CHRM4: variants seen among roughly 807,000 people sequenced by gnomAD.
CHRM4 encodes the protein cholinergic receptor muscarinic 4.
CHRM4 carries 5 observed loss-of-function variants against 26.3 expected under a neutral mutation model. The observed-to-expected ratio is 0.19, with a 90% CI of 0.10 to 0.40. The LOEUF (loss-of-function observed/expected upper bound fraction) is 0.40. CHRM4 is among the 10% of genes least tolerant of loss of function. The pLI, the probability that CHRM4 is intolerant of heterozygous loss-of-function variation, is 1.00. For missense variants in CHRM4, 402 were observed against 664.5 expected, an observed-to-expected ratio of 0.60 and a Z score of 4.34; for synonymous variants, 290 against 285.3, an observed-to-expected ratio of 1.02 and a Z score of -0.16.
At chr11:46,388,609 A>G (rs1945364680) in intron 1 of CHRM4, among the ~76,000 whole-genome samples, 1 of 152,176 alleles carries the variant, frequency 6.6e-6, no homozygotes. Context: ...TGTCACCCCC[A>G]AGGTCACACA....
At chr11:46,389,432 C>A (rs1448302944) in intron 1 of CHRM4, among the ~76,000 whole-genome samples, 1 of 152,234 alleles carries the variant, frequency 6.6e-6, no homozygotes, top group East Asian at 1.9e-4. Context: ...GACTCCGCCC[C>A]GCCCCAGCTG....
intron 1 of CHRM4, among the ~76,000 whole-genome samples, chr11:46,388,100 C>A (rs957296248): frequency 6.6e-6 from 1 of 152,202 alleles, no homozygotes; most frequent in African/African-American, 2.4e-5. Context: ...AGTGCCAGGG[C>A]AGCCGCTCAG....
At chr11:46,389,860 T>C (rs1945375973) in intron 1 of CHRM4, among the ~76,000 whole-genome samples, 1 of 152,186 alleles carries the variant, frequency 6.6e-6, no homozygotes, top group Admixed American at 6.5e-5. Context: ...TGTGTGTGCC[T>C]ACGGGGGAGC....
chr11:46,389,790 G>A (rs929083251), intron 1 of CHRM4, among the ~76,000 whole-genome samples: 1 of 152,246 alleles, frequency 6.6e-6, no homozygotes, highest in South Asian at 2.1e-4. Context: ...GAGGGAGCCC[G>A]GATTCCACCC....
chr11:46,388,100 C>T (rs957296248), intron 1 of CHRM4, among the ~76,000 whole-genome samples: 2 of 152,202 alleles, frequency 1.3e-5, no homozygotes, highest in African/African-American at 2.4e-5. Flanking sequence ...AGTGCCAGGG[C>T]AGCCGCTCAG....
At position 46,391,050 on chromosome 11, in the gene CHRM4, C is replaced by T. The variant is rs1223837208; in HGVS notation, c.-30+481G>A. Among the ~76,000 whole-genome samples the T allele has an allele frequency of 2.1e-5, 3 of 142,552 alleles. No individual in the cohort carries two copies. The highest frequency in any genetic ancestry group is 3.1e-5 in the Non-Finnish European group (2 of 65,470). 93.5% of individuals were successfully genotyped at this position (142,552 alleles called of 152,430 possible). A position where few individuals can be genotyped will look rare whatever the true frequency, so the allele number is the denominator to read the frequency against. ...GAGGGGGCCTGGAGCTGGAGGACCC[C>T]GGCTTGGAGGCTGGGCAGCAAAGGG... On this transcript the variant is annotated intron_variant, in intron 1 of 1. Transcript: ENST00000682254. This position sits in a 1 kb window ranked among gnomAD's most constrained non-coding sequence, Gnocchi z 6.3.
chr11:46,386,696 T>C lies in CHRM4; in HGVS notation c.-29-110A>G. 1.8e-6 allele frequency: 2 copies of C among 1,088,024 alleles called. No homozygotes were observed. The highest frequency in any genetic ancestry group is 2.5e-5 in the East Asian group (1 of 39,524). 67.4% of individuals were successfully genotyped at this position (1,088,024 alleles called of 1,614,324 possible). ...AGGGACATTCTCTGGCAGAATGCCT[T>C]GAGAGAACTCTGTCCCGCCATCCCG... On this transcript the variant is annotated intron_variant, in intron 1 of 1. Coordinates refer to ENST00000682254, the MANE Select transcript of CHRM4 (RefSeq NM_000741.5). The surrounding 1 kb of genome is among the most constrained non-coding windows in gnomAD (Gnocchi z 5.8).
At chr11:46,390,844 G>T (rs866859733) in intron 1 of CHRM4, among the ~76,000 whole-genome samples, 1 of 152,236 alleles carries the variant, frequency 6.6e-6, no homozygotes, top group South Asian at 2.1e-4. Flanking sequence ...TGCTCCGCAC[G>T]CCCGTGGGGT....
chr11:46,389,167 C>T (rs1320133119), intron 1 of CHRM4, among the ~76,000 whole-genome samples: 1 of 152,218 alleles, frequency 6.6e-6, no homozygotes, highest in African/African-American at 2.4e-5. Context: ...CAGAGTTGAC[C>T]TCCTGCCTCT....
At position 46,384,010 on chromosome 11, in the gene CHRM4, ATCAAG is replaced by A. The variant is rs1945301928; in HGVS notation, c.*1103_*1107del. 6.6e-6 allele frequency among the ~76,000 whole-genome samples: 1 copy of A among 152,206 alleles called. No homozygotes were observed. Among genetic ancestry groups the A allele is most frequent in the Non-Finnish European group, 1.5e-5 (1 of 68,040 alleles). ...CAGGGCCCCTGAAAGGGTGCTCCCC[ATCAAG>A]TCACCTAAGCCTTTCGGTCCTCATC... is the stretch of plus-strand genomic sequence containing the variant. On this transcript the variant is annotated 3_prime_UTR_variant, in exon 2 of 2. Transcript: ENST00000682254.
At chr11:46,390,103 C>T (rs1225221804) in intron 1 of CHRM4, among the ~76,000 whole-genome samples, 1 of 152,100 alleles carries the variant, frequency 6.6e-6, no homozygotes, top group African/African-American at 2.4e-5. Flanking sequence ...GGTGACCGGT[C>T]ACATTCCAAA....
intron 1 of CHRM4, among the ~76,000 whole-genome samples, chr11:46,389,863 G>C (rs895124114): frequency 5.9e-5 from 9 of 152,234 alleles, no homozygotes; most frequent in Admixed American, 3.9e-4. Flanking sequence ...GTGTGCCTAC[G>C]GGGGAGCGCG....
At position 46,391,380 on chromosome 11, in the gene CHRM4, C is replaced by T. The variant is rs964350624; in HGVS notation, c.-30+151G>A. On this transcript the variant is annotated intron_variant, in intron 1 of 1. Coordinates refer to ENST00000682254, the MANE Select transcript of CHRM4 (RefSeq NM_000741.5). The surrounding 1 kb of genome is among the most constrained non-coding windows in gnomAD (Gnocchi z 6.3). ...GCCCCCGACATCCTGGATGCCCACC[C>T]CTTCCCACGGGCGCACCCGGGCGCA... 7.9e-5 allele frequency among the ~76,000 whole-genome samples: 12 copies of T among 151,970 alleles called. No homozygotes were observed. Among genetic ancestry groups the T allele is most frequent in the Non-Finnish European group, 1.5e-4 (10 of 67,924 alleles).
At position 46,385,747 on chromosome 11, in the gene CHRM4, T is replaced by C. The variant is rs1565104182; in HGVS notation, c.811A>G (p.Lys271Glu). The C allele has an allele frequency of 6.3e-7, 1 of 1,592,006 alleles. No individual in the cohort carries two copies. Among genetic ancestry groups the C allele is most frequent in the Non-Finnish European group, 8.6e-7 (1 of 1,168,720 alleles). ...EAAREELRNGKLEEAPPPALP... is the reference protein window; with the variant it reads ...EAAREELRNGELEEAPPPALP... ...GCTGGCGGGGGGGCCTCCTCCAGCTTGCCATTGCGCAGCTCCTCCCGGGCG... is the reference window on the plus strand; with the variant it reads ...GCTGGCGGGGGGGCCTCCTCCAGCTCGCCATTGCGCAGCTCCTCCCGGGCG... Residue 271 changes from lysine (K) to glutamate (E), a missense_variant, in exon 2 of 2, where the codon AAG becomes GAG. This residue lies in a region of CHRM4 where 205 missense variants were observed against 244.0 expected (regional missense o/e 0.84). Transcript: ENST00000682254. The surrounding 1 kb of genome is among the most constrained non-coding windows in gnomAD (Gnocchi z 6.3).
intron 1 of CHRM4, among the ~76,000 whole-genome samples, chr11:46,390,135 C>T (rs1007699884): frequency 2.6e-5 from 4 of 152,134 alleles, no homozygotes; most frequent in African/African-American, 9.7e-5. Context: ...GAGACTCAGC[C>T]AGACCTTAGC....
Position 46,386,710 on chromosome 11 carries a change from C to T in CHRM4, c.-29-124G>A. ...GCAGAATGCCTTGAGAGAACTCTGT[C>T]CCGCCATCCCGCATTTGCCCATTCA... On this transcript the variant is annotated intron_variant, in intron 1 of 1. Coordinates refer to ENST00000682254, the MANE Select transcript of CHRM4 (RefSeq NM_000741.5). The surrounding 1 kb of genome is among the most constrained non-coding windows in gnomAD (Gnocchi z 5.8). The T allele has an allele frequency of 1.1e-6, 1 of 915,332 alleles. No homozygotes were observed. Among genetic ancestry groups the T allele is most frequent in the Non-Finnish European group, 1.6e-6 (1 of 616,544 alleles). The allele number at this position is 915,332 out of a possible 1,614,324, so 56.7% of individuals were successfully genotyped here. A position where few individuals can be genotyped will look rare whatever the true frequency, so the allele number is the denominator to read the frequency against.
At chr11:46,387,736 C>A (rs1945355405) in intron 1 of CHRM4, among the ~76,000 whole-genome samples, 1 of 152,208 alleles carries the variant, frequency 6.6e-6, no homozygotes, top group African/African-American at 2.4e-5. Context: ...AGAGTCCCTG[C>A]AGAAGGGGCT....
rs982929614 is a variant in CHRM4 at position 46,391,408 on chromosome 11, T to C, written c.-30+123A>G. The stretch of plus-strand genomic sequence containing the variant: ...TCCCACGGGCGCACCCGGGCGCACC[T>C]GGAGAAGCCTCCGAGAGCCCCCGGC... On this transcript the variant is annotated intron_variant, in intron 1 of 1. Coordinates refer to ENST00000682254, the MANE Select transcript of CHRM4 (RefSeq NM_000741.5). This position sits in a 1 kb window ranked among gnomAD's most constrained non-coding sequence, Gnocchi z 6.3. 1.2e-4 allele frequency among the ~76,000 whole-genome samples: 18 copies of C among 151,280 alleles called. No homozygotes were observed. The highest frequency in any genetic ancestry group is 1.1e-3 in the Admixed American group (17 of 15,278).
chr11:46,386,112 G>A lies in CHRM4; in HGVS notation c.446C>T (p.Ala149Val). ...TYPARRTTKM[A>V]GLMIAAAWVL... ...CCAGGCAGCAGCAATCATGAGGCCTGCCATCTTGGTGGTGCGCCGGGCAGG... is the reference window on the plus strand; with the variant it reads ...CCAGGCAGCAGCAATCATGAGGCCTACCATCTTGGTGGTGCGCCGGGCAGG... The change falls in exon 2 of 2, where the codon GCA becomes GTA. Residue 149 changes from alanine to valine, a missense_variant. Transcript: ENST00000682254. The surrounding 1 kb of genome is among the most constrained non-coding windows in gnomAD (Gnocchi z 5.8). The A allele has an allele frequency of 6.2e-7, 1 of 1,613,512 alleles. No homozygotes were observed. The highest frequency in any genetic ancestry group is 8.5e-7 in the Non-Finnish European group (1 of 1,179,790).
Sources: gnomAD v4.1 joint callset for allele counts (sites outside exome capture counted in the v4.1 genomes callset) on GRCh38, gnomAD v4.1.1 for gene constraint, gnomAD v4.1.1 regional missense constraint, Gnocchi (gnomAD v3.1) non-coding constraint, MANE v1.5 for transcripts, NCBI Gene and HGNC (gene_info 2026-07-23, HGNC 2026-07-21) for gene names.